RBFOX1: variants seen among roughly 807,000 people sequenced by gnomAD.
The protein encoded by RBFOX1 is RNA binding fox-1 homolog 1, also known as RNA binding protein fox-1 homolog 1.
In RBFOX1, 8 loss-of-function variants were observed where a neutral mutation model predicts 57.7. That is an observed-to-expected ratio of 0.14 (90% CI 0.08 to 0.25). The LOEUF is 0.25. RBFOX1 is among the 10% of genes least tolerant of loss of function. RBFOX1 has a pLI of 1.00. For missense variants in RBFOX1, 611 were observed against 548.5 expected, an observed-to-expected ratio of 1.11 and a Z score of -1.14; for synonymous variants, 326 against 222.4, an observed-to-expected ratio of 1.47 and a Z score of -4.15.
chr16:7,295,671 T>A (rs2095874539), intron 4 of RBFOX1, among the ~76,000 whole-genome samples: 1 of 152,084 alleles, frequency 6.6e-6, no homozygotes, highest in South Asian at 2.1e-4. Context: ...ACTACAGGTG[T>A]ACTCAGGGGA....
chr16:7,553,880 G>A (rs1172081702), intron 5 of RBFOX1, among the ~76,000 whole-genome samples: 2 of 152,190 alleles, frequency 1.3e-5, no homozygotes, highest in African/African-American at 4.8e-5. Context: ...CAGCCTGGCA[G>A]GTCTTTTTGA....
At chr16:6,809,947 C>T (rs2088009851) in intron 3 of RBFOX1, among the ~76,000 whole-genome samples, 2 of 151,758 alleles carry the variant, frequency 1.3e-5, no homozygotes, top group Admixed American at 6.6e-5. Context: ...CCCGCTTGTC[C>T]TGAGTTGAGA....
intron 3 of RBFOX1, among the ~76,000 whole-genome samples, chr16:6,890,500 C>A (rs951594908): frequency 6.8e-6 from 1 of 147,650 alleles, no homozygotes; most frequent in Non-Finnish European, 1.5e-5. Flanking sequence ...GCCTGGGCAA[C>A]AGAGCGAGAC....
At chr16:7,597,315 T>C in intron 8 of RBFOX1, 56 bp from the exon 9 acceptor site, 1 of 1,329,134 alleles carries the variant, frequency 7.5e-7, no homozygotes, top group Non-Finnish European at 1.1e-6. Flanking sequence ...ATGCAACTAA[T>C]TGAATTGGGA....
chr16:6,165,699 A>T (rs1413630263), intron 1 of RBFOX1, among the ~76,000 whole-genome samples: 2 of 152,258 alleles, frequency 1.3e-5, no homozygotes, highest in Non-Finnish European at 2.9e-5. Context: ...CACAACATGC[A>T]TGGGCAAATG....
At chr16:5,719,339 C>G (rs1160531633) in intron 3 of RBFOX1, among the ~76,000 whole-genome samples, 1 of 150,894 alleles carries the variant, frequency 6.6e-6, no homozygotes, top group Non-Finnish European at 1.5e-5. Context: ...GTAACTGGGA[C>G]TACAGGCACC....
At chr16:6,366,850 C>G (rs775952075) in intron 2 of RBFOX1, among the ~76,000 whole-genome samples, 4 of 152,128 alleles carry the variant, frequency 2.6e-5, no homozygotes, top group African/African-American at 4.8e-5. Context: ...GCTTTTCTGT[C>G]TCATGAAAAT....
chr16:7,517,692 T>A (rs190891089), intron 4 of RBFOX1, among the ~76,000 whole-genome samples: 32 of 152,156 alleles, frequency 2.1e-4, no homozygotes, highest in African/African-American at 6.0e-4. Flanking sequence ...AAATTGTCTC[T>A]CCTCTCAAGA....
intron 3 of RBFOX1, among the ~76,000 whole-genome samples, chr16:5,698,933 T>C (rs2050933793): frequency 6.6e-6 from 1 of 152,140 alleles, no homozygotes; most frequent in Admixed American, 6.5e-5. Flanking sequence ...TTCCCATCCA[T>C]CTGTGTAGCT....
chr16:5,765,859 G>A (rs1006986607), intron 3 of RBFOX1, among the ~76,000 whole-genome samples: 2 of 152,184 alleles, frequency 1.3e-5, no homozygotes, highest in African/African-American at 4.8e-5. Flanking sequence ...AGTGTGGAAG[G>A]ATTCCTAGTC....
chr16:7,263,176 C>T (rs1413614683), intron 4 of RBFOX1, among the ~76,000 whole-genome samples: 1 of 152,184 alleles, frequency 6.6e-6, no homozygotes, highest in Non-Finnish European at 1.5e-5. Flanking sequence ...TTCTCTGTTA[C>T]ATTCTAAGCC....
intron 4 of RBFOX1, among the ~76,000 whole-genome samples, chr16:7,348,008 C>T (rs1276882829): frequency 6.6e-6 from 1 of 152,204 alleles, no homozygotes; most frequent in Non-Finnish European, 1.5e-5. Context: ...TCTTAACGAG[C>T]AGTCAATTGA....
rs149170057 is a variant in RBFOX1 at position 5,344,481 on chromosome 16, C to T, written c.219+104376C>T. ...TGCTTCTTATTTTGTTCCCTCTTAA[C>T]TACCTCACCTCCCTCCCCAATTCAA... On this transcript the variant is annotated intron_variant, in intron 1 of 2. Transcript: ENST00000585867. Among the ~76,000 whole-genome samples, 1,126 of 152,310 alleles carry T rather than the reference C, an allele frequency of 7.4e-3. 16 individuals are homozygous for T. The highest frequency in any genetic ancestry group is 0.026 in the African/African-American group (1,075 of 41,556).
intron 1 of RBFOX1, among the ~76,000 whole-genome samples, chr16:6,102,256 C>T (rs1263471075): frequency 6.7e-6 from 1 of 150,130 alleles, no homozygotes; most frequent in Non-Finnish European, 1.5e-5. Flanking sequence ...TTCTTCCTTT[C>T]TCCTTTCTTC....
rs191165457 is a variant in RBFOX1 at position 5,685,603 on chromosome 16, G to T, written c.318+86642G>T. 7.3e-4 allele frequency among the ~76,000 whole-genome samples: 111 copies of T among 152,302 alleles called. No individual in the cohort carries two copies. The South Asian group carries it at 0.013, about 17-fold the overall frequency. ...ATTAAAGAAAATTAAATTGAACTTT[G>T]TAGGTTCTTTCATATAAGTTAATCC... On this transcript the variant is annotated intron_variant, in intron 3 of 19. Coordinates refer to the RBFOX1 transcript ENST00000641259.
intron 1 of RBFOX1, among the ~76,000 whole-genome samples, chr16:6,045,849 C>G (rs1235124714): frequency 6.6e-6 from 1 of 152,188 alleles, no homozygotes; most frequent in East Asian, 1.9e-4. Context: ...AAGACACACA[C>G]ACATACACAA....
At chr16:6,259,602 A>G (rs570106380) in intron 1 of RBFOX1, among the ~76,000 whole-genome samples, 5 of 152,232 alleles carry the variant, frequency 3.3e-5, no homozygotes, top group East Asian at 1.9e-4. Context: ...AGTAGCGACG[A>G]AAGTGCAAGT....
chr16:5,395,037 G>A (rs1362555699), intron 1 of RBFOX1, among the ~76,000 whole-genome samples: 1 of 152,128 alleles, frequency 6.6e-6, no homozygotes, highest in Non-Finnish European at 1.5e-5. Flanking sequence ...CAAGCCAGGT[G>A]CTCGACACCC....
At chr16:5,623,250 G>A (rs530854715) in intron 3 of RBFOX1, among the ~76,000 whole-genome samples, 4 of 152,246 alleles carry the variant, frequency 2.6e-5, no homozygotes, top group East Asian at 1.9e-4. Flanking sequence ...ACTGTTTTCC[G>A]TTTCCCAGTG....
Sources: allele counts gnomAD v4.1 joint callset (sites outside exome capture counted in the v4.1 genomes callset), GRCh38; gene constraint gnomAD v4.1.1; transcripts MANE v1.5; gene names NCBI Gene and HGNC (gene_info 2026-07-23, HGNC 2026-07-21).